Variants in CLVS1 observed in about 807,000 individuals in gnomAD.
CLVS1 encodes clavesin-1.
A neutral mutation model predicts 33.1 loss-of-function variants in CLVS1; 10 were observed. The ratio of observed to expected loss-of-function variants is 0.30; its 90% CI spans 0.19 to 0.51. The LOEUF is 0.51. Among genes scored for constraint, CLVS1 ranks in the 20% least tolerant of loss-of-function variants. The pLI is 0.97. For synonymous variants in CLVS1, 163 were observed against 166.1 expected (o/e 0.98, Z 0.14); for missense variants, 343 against 433.4 (o/e 0.79, Z 1.85).
intron 2 of CLVS1, among the ~76,000 whole-genome samples, chr8:61,216,849 CTTTTT>C (rs1271936732): frequency 6.6e-6 from 1 of 151,996 alleles, no homozygotes; most frequent in African/African-American, 2.4e-5. Flanking sequence ...TATTGGTGTT[CTTTTT>C]TTATGTCAGT....
At chr8:61,247,509 G>A (rs898635650) in intron 2 of CLVS1, among the ~76,000 whole-genome samples, 3 of 152,120 alleles carry the variant, frequency 2.0e-5, no homozygotes, top group African/African-American at 7.2e-5. Context: ...GTGTGAGATG[G>A]TATTTCACTG....
chr8:61,300,364 T>C, intron 2 of CLVS1, 82 bp downstream of exon 2: 2 of 1,171,344 alleles, frequency 1.7e-6, no homozygotes. Flanking sequence ...TGGCTTTATA[T>C]GTAATGGGCT....
intron 5 of CLVS1, among the ~76,000 whole-genome samples, chr8:61,497,683 G>C (rs1405861637): frequency 1.3e-5 from 2 of 152,194 alleles, no homozygotes; most frequent in Non-Finnish European, 2.9e-5. Context: ...ATGCAAGAAA[G>C]AATTCAGGGG....
chr8:61,307,717 A>G (rs1215195175), intron 2 of CLVS1, among the ~76,000 whole-genome samples: 1 of 152,152 alleles, frequency 6.6e-6, no homozygotes, highest in African/African-American at 2.4e-5. Flanking sequence ...TTTAGGGGGT[A>G]CAAGTGCAGT....
At chr8:61,144,191 C>T (rs1042117182) in intron 2 of CLVS1, among the ~76,000 whole-genome samples, 7 of 152,068 alleles carry the variant, frequency 4.6e-5, no homozygotes, top group Non-Finnish European at 1.0e-4. Flanking sequence ...CTAATGCTAT[C>T]CTCCTCCTAG....
intron 2 of CLVS1, among the ~76,000 whole-genome samples, chr8:61,220,597 C>T (rs1043419309): frequency 6.6e-6 from 1 of 151,318 alleles, no homozygotes; most frequent in East Asian, 1.9e-4. Context: ...TAGCGTGATG[C>T]CTTCAGCTTG....
At chr8:61,383,134 A>G (rs1166524087) in intron 3 of CLVS1, among the ~76,000 whole-genome samples, 2 of 152,196 alleles carry the variant, frequency 1.3e-5, no homozygotes, top group Non-Finnish European at 2.9e-5. Flanking sequence ...CAGCCTGTTC[A>G]CTGGCCCTAA....
chr8:61,360,465 A>C (rs964968891), intron 2 of CLVS1, among the ~76,000 whole-genome samples: 4 of 152,136 alleles, frequency 2.6e-5, no homozygotes, highest in Admixed American at 2.6e-4. Flanking sequence ...ATCAATCAAA[A>C]ACACAAATAT....
chr8:61,407,748 G>C (rs779943203), intron 3 of CLVS1, among the ~76,000 whole-genome samples: 4 of 152,152 alleles, frequency 2.6e-5, no homozygotes, highest in Admixed American at 6.5e-5. Flanking sequence ...AAAAATATGA[G>C]AGAATTCTTT....
chr8:61,378,734 C>T (rs1813749261), intron 3 of CLVS1, among the ~76,000 whole-genome samples: 1 of 152,212 alleles, frequency 6.6e-6, no homozygotes, highest in African/African-American at 2.4e-5. Context: ...CTCTTGCCCA[C>T]AGTGGATGGT....
At chr8:61,002,327 GTTTTTTTTTT>G in the CLVS1 span, among the ~76,000 whole-genome samples, 3 of 98,818 alleles carry the variant, frequency 3.0e-5, no homozygotes, top group African/African-American at 8.1e-5. Flanking sequence ...ATGCTTGCTT[GTTTTTTTTTT>G]TTTTTTTTTT....
At chr8:61,164,593 T>TC (rs938604522) in intron 2 of CLVS1, among the ~76,000 whole-genome samples, 37 of 151,340 alleles carry the variant, frequency 2.4e-4, no homozygotes, top group East Asian at 7.8e-4. Context: ...GGAGGGCAAG[T>TC]CCCCCCCGCC....
chr8:61,233,587 C>T (rs1018122754), intron 2 of CLVS1, among the ~76,000 whole-genome samples: 8 of 151,296 alleles, frequency 5.3e-5, no homozygotes, highest in Non-Finnish European at 1.2e-4. Flanking sequence ...AGATTTCAAA[C>T]TGCTTCTGGC....
At chr8:61,391,370 G>A (rs2129602750) in intron 3 of CLVS1, 1 of 152,306 alleles carries the variant, frequency 6.6e-6, no homozygotes, top group African/African-American at 2.4e-5. Flanking sequence ...CCCAGGATGG[G>A]ATGAAGATTA....
chr8:61,246,080 T>C (rs956974539), intron 2 of CLVS1, among the ~76,000 whole-genome samples: 7 of 151,260 alleles, frequency 4.6e-5, no homozygotes, highest in Non-Finnish European at 8.8e-5. Flanking sequence ...CACTGTCTTA[T>C]ATGTTTTAAG....
At position 61,183,282 on chromosome 8, in the gene CLVS1, C is replaced by A. The variant is rs566463842; in HGVS notation, c.-152+51422C>A. On this transcript the variant is annotated intron_variant, in intron 2 of 2. Coordinates refer to the CLVS1 transcript ENST00000522621. ...GGCACACGTTTACCTGTGTAACAAA[C>A]CTGCATGTGCTGCACATGTATCCCA... 7.9e-5 allele frequency among the ~76,000 whole-genome samples: 12 copies of A among 152,206 alleles called. No homozygotes were observed. The East Asian group carries it at 1.2e-3, about 15-fold the overall frequency.
rs201459536 is a variant in CLVS1 at position 61,300,175 on chromosome 8, C to T, written c.348C>T (p.Pro116=). The T allele has an allele frequency of 7.1e-5, 115 of 1,613,944 alleles. No homozygotes were observed. The highest frequency in any genetic ancestry group is 5.1e-4 in the South Asian group (46 of 91,060). Residue 116 remains proline (P), a synonymous_variant, in exon 2 of 6, where the codon CCC becomes CCT. Transcript: ENST00000325897. Reference sequence around the variant, plus strand: ...TCAAAAACTTCAAGGCAGATGATCCCGGCATTAAGAGGGCTCTGATCGATG... The same window carrying T: ...TCAAAAACTTCAAGGCAGATGATCCTGGCATTAAGAGGGCTCTGATCGATG... ...DMFKNFKADD[P]GIKRALIDGF...
the CLVS1 span, among the ~76,000 whole-genome samples, chr8:60,973,883 A>G: frequency 1.3e-5 from 2 of 152,140 alleles, no homozygotes; most frequent in Admixed American, 1.3e-4. Flanking sequence ...GGGGAGGTGG[A>G]GGGTGGCGGC....
the CLVS1 span, among the ~76,000 whole-genome samples, chr8:61,037,860 G>A: frequency 6.6e-6 from 1 of 152,224 alleles, no homozygotes; most frequent in Non-Finnish European, 1.5e-5. Context: ...AGCCAGTGCT[G>A]TGAAGGAAAC....
Sources: allele counts gnomAD v4.1 joint callset (sites outside exome capture counted in the v4.1 genomes callset), GRCh38; gene constraint gnomAD v4.1.1; transcripts MANE v1.5; gene names NCBI Gene and HGNC (gene_info 2026-07-23, HGNC 2026-07-21).